FBXO47: variants seen among roughly 807,000 people sequenced by gnomAD.
The protein encoded by FBXO47 is F-box only protein 47.
In FBXO47, 34 loss-of-function variants were observed where a neutral mutation model predicts 53.9. The ratio of observed to expected loss-of-function variants is 0.63; its 90% CI spans 0.48 to 0.84. The LOEUF is 0.84. Among genes scored for constraint, FBXO47 ranks in the 40% least tolerant of loss-of-function variants. The probability of loss-of-function intolerance (pLI) is 0.00; values close to 1 mark genes in which losing one functional copy is unlikely to be tolerated. For missense variants in FBXO47, 485 were observed against 541.3 expected, an observed-to-expected ratio of 0.90 and a Z score of 1.03; for synonymous variants, 165 against 181.6, an observed-to-expected ratio of 0.91 and a Z score of 0.73.
intron 6 of FBXO47, among the ~76,000 whole-genome samples, chr17:38,947,645 C>T (rs1449813423): frequency 4.6e-5 from 7 of 152,192 alleles, no homozygotes; most frequent in Non-Finnish European, 1.0e-4. Context: ...CGTGGTGGCT[C>T]ATGCCTGTAA....
chr17:38,947,351 G>T lies in FBXO47; in HGVS notation c.617-2215C>A, dbSNP rs118178830. ...TGTTGCTGTTGTTGATAGACATGGG[G>T]TCTTGCTCTGTCACCCAAGCTGGAG... On this transcript the variant is annotated intron_variant, in intron 6 of 10. Coordinates refer to ENST00000378079, the MANE Select transcript of FBXO47 (RefSeq NM_001008777.3). 4.6e-3 allele frequency among the ~76,000 whole-genome samples: 704 copies of T among 152,000 alleles called. 32 individuals are homozygous for T. In the East Asian group the frequency reaches 0.097, roughly 21 times the overall value.
intron 7 of FBXO47, among the ~76,000 whole-genome samples, chr17:38,944,190 C>CGT (rs1479938002): frequency 0.12 from 14,462 of 122,642 alleles, 864 homozygotes; most frequent in Middle Eastern, 0.2. Flanking sequence ...TCAAAAAAAA[C>CGT]ATGTGTGTGT....
intron 5 of FBXO47, among the ~76,000 whole-genome samples, chr17:38,952,694 A>C (rs1350293092): frequency 6.6e-6 from 1 of 152,076 alleles, no homozygotes; most frequent in Non-Finnish European, 1.5e-5. Flanking sequence ...ACTTACAACC[A>C]TGCTGTGGCT....
intron 4 of FBXO47, among the ~76,000 whole-genome samples, chr17:38,956,797 C>T (rs73301140): frequency 0.033 from 5,008 of 152,026 alleles, 246 homozygotes; most frequent in African/African-American, 0.099. Flanking sequence ...AATACTTTCC[C>T]ATGTTTCTAT....
chr17:38,937,654 T>G (rs1915612010), intron 10 of FBXO47, among the ~76,000 whole-genome samples: 1 of 152,048 alleles, frequency 6.6e-6, no homozygotes, highest in Admixed American at 6.6e-5. Context: ...TAATTTTCCC[T>G]AGTAATATTT....
chr17:38,941,410 T>C (rs1302345842), intron 9 of FBXO47, among the ~76,000 whole-genome samples: 1 of 151,030 alleles, frequency 6.6e-6, no homozygotes, highest in African/African-American at 2.5e-5. Flanking sequence ...CCTCAGGTGA[T>C]CCGCCTGACT....
intron 6 of FBXO47, among the ~76,000 whole-genome samples, chr17:38,950,917 T>C (rs552003289): frequency 2.4e-4 from 37 of 152,190 alleles, no homozygotes; most frequent in Non-Finnish European, 4.6e-4. Flanking sequence ...TATTTTTATT[T>C]CTTTTGAAAA....
At chr17:38,957,290 A>G in intron 3 of FBXO47, 37 bp from the exon 4 acceptor site, 1 of 1,387,048 alleles carries the variant, frequency 7.2e-7, no homozygotes, top group Non-Finnish European at 1.0e-6. Flanking sequence ...AAATGACAAC[A>G]ATACAATTAA....
chr17:38,959,748 T>C (rs779921642), intron 3 of FBXO47, among the ~76,000 whole-genome samples: 1 of 151,576 alleles, frequency 6.6e-6, no homozygotes, highest in Non-Finnish European at 1.5e-5. Context: ...GCGGCTCAAG[T>C]AACCCTCCCA....
intron 5 of FBXO47, 30 bp downstream of exon 5, chr17:38,954,826 C>G (rs781297799): frequency 1.5e-6 from 2 of 1,326,582 alleles, no homozygotes; most frequent in East Asian, 2.3e-5. Context: ...CAAAGGTATC[C>G]CTTTTCTTCT....
intron 3 of FBXO47, 25 bp downstream of exon 3, chr17:38,961,852 T>C (rs763809872): frequency 1.3e-6 from 2 of 1,594,386 alleles, no homozygotes; most frequent in Non-Finnish European, 1.7e-6. Context: ...TCTTTACTTG[T>C]TGCAATTCTC....
chr17:38,947,115 T>A (rs1487721399), intron 6 of FBXO47, among the ~76,000 whole-genome samples: 6 of 140,852 alleles, frequency 4.3e-5, no homozygotes, highest in African/African-American at 1.6e-4. Flanking sequence ...AACATATATA[T>A]ATAAACATAT....
At chr17:38,940,358 A>G (rs1477096184) in intron 9 of FBXO47, among the ~76,000 whole-genome samples, 1 of 151,942 alleles carries the variant, frequency 6.6e-6, no homozygotes, top group African/African-American at 2.4e-5. Flanking sequence ...TCTTCATTAC[A>G]TTTGCTATAG....
At chr17:38,952,170 C>A (rs1256332339) in intron 5 of FBXO47, among the ~76,000 whole-genome samples, 1 of 151,882 alleles carries the variant, frequency 6.6e-6, no homozygotes, top group Non-Finnish European at 1.5e-5. Context: ...ACTAAAAATA[C>A]AAAAAATTAG....
At chr17:38,948,207 ATTTT>A (rs869282186) in intron 6 of FBXO47, among the ~76,000 whole-genome samples, 224 of 89,286 alleles carry the variant, frequency 2.5e-3, no homozygotes, top group African/African-American at 9.2e-3. Flanking sequence ...CCTATTCTGG[ATTTT>A]TTTTTTTTTT....
intron 3 of FBXO47, among the ~76,000 whole-genome samples, chr17:38,958,274 A>G (rs181475845): frequency 6.6e-6 from 1 of 152,308 alleles, no homozygotes; most frequent in Non-Finnish European, 1.5e-5. Context: ...TTGGGCCGAG[A>G]AAACAGGTTG....
At chr17:38,939,522 G>T (rs559636441) in intron 9 of FBXO47, among the ~76,000 whole-genome samples, 1 of 149,454 alleles carries the variant, frequency 6.7e-6, no homozygotes, top group South Asian at 2.1e-4. Context: ...CAATAAGCAA[G>T]AGAATTCTAT....
chr17:38,947,308 CA>C (rs1313637973), intron 6 of FBXO47, among the ~76,000 whole-genome samples: 1 of 151,200 alleles, frequency 6.6e-6, no homozygotes, highest in South Asian at 2.1e-4. Context: ...TAAACAACAA[CA>C]AAAAAAGAAA....
At chr17:38,951,028 G>A (rs1025270913) in intron 6 of FBXO47, among the ~76,000 whole-genome samples, 2 of 151,966 alleles carry the variant, frequency 1.3e-5, no homozygotes, top group African/African-American at 2.4e-5. Flanking sequence ...AGCCTCCTGA[G>A]CAGCTGAAAC....
Sources: allele counts gnomAD v4.1 joint callset (sites outside exome capture counted in the v4.1 genomes callset), GRCh38; gene constraint gnomAD v4.1.1; transcripts MANE v1.5; gene names NCBI Gene and HGNC (gene_info 2026-07-23, HGNC 2026-07-21).